The following PRDM15 variants were observed in gnomAD, a reference collection of about 807,000 sequenced individuals.
PRDM15 encodes the protein PR domain zinc finger protein 15.
Under a neutral mutation model 128.6 loss-of-function variants are expected in PRDM15, and 64 were observed. The observed-to-expected ratio is 0.50, with a 90% CI of 0.41 to 0.61. PRDM15 has a LOEUF of 0.61. Among genes scored for constraint, PRDM15 ranks in the 20% least tolerant of loss-of-function variants. The pLI is 0.00. For synonymous variants in PRDM15, 615 were observed against 621.8 expected, an observed-to-expected ratio of 0.99 and a Z score of 0.16; for missense variants, 1,242 against 1,569.1, an observed-to-expected ratio of 0.79 and a Z score of 3.52.
chr21:41,871,135 G>A (rs1342288936), intron 1 of PRDM15, among the ~76,000 whole-genome samples: 1 of 152,188 alleles, frequency 6.6e-6, no homozygotes, highest in Non-Finnish European at 1.5e-5. Flanking sequence ...CAGCTTCCAA[G>A]GCTGTGATGA....
intron 22 of PRDM15, 86 bp from the exon 23 acceptor site, chr21:41,803,007 A>C: frequency 9.8e-7 from 1 of 1,015,556 alleles, no homozygotes; most frequent in East Asian, 2.4e-5. Context: ...TGCCCTGGAC[A>C]CACTCTCCAA....
intron 14 of PRDM15, 58 bp downstream of exon 14, chr21:41,823,260 C>A: frequency 6.3e-7 from 1 of 1,583,286 alleles, no homozygotes. Flanking sequence ...CTGTGACAGA[C>A]GCTGGCCTGG....
chr21:41,834,257 A>G (rs566002063), intron 11 of PRDM15, among the ~76,000 whole-genome samples: 5 of 152,238 alleles, frequency 3.3e-5, no homozygotes, highest in African/African-American at 9.6e-5. Flanking sequence ...GGTTTCAAAT[A>G]GGAGCCCTCA....
At chr21:41,815,933 G>A (rs1327311982) in intron 18 of PRDM15, 97 bp from the exon 19 acceptor site, 26 of 1,486,990 alleles carry the variant, frequency 1.7e-5, no homozygotes, top group East Asian at 6.9e-5. Flanking sequence ...GCAGCGGCCC[G>A]TGCGGTACTG....
At position 41,822,105 on chromosome 21, in the gene PRDM15, C is replaced by A. The variant is rs1028740024; in HGVS notation, c.1762-68G>T. ...ACGCTTCACTCAGTTATCTACACCG[C>A]AGGGACGACCAATCATTTCCCCAGA... On this transcript the variant is annotated intron_variant, in intron 14 of 23. Coordinates refer to ENST00000398548, the MANE Select transcript of PRDM15 (RefSeq NM_001040424.3). 12 of 1,595,246 alleles carry A rather than the reference C, an allele frequency of 7.5e-6. No homozygotes were observed. The Middle Eastern group carries it at 5.0e-4, about 66-fold the overall frequency.
Position 41,801,070 on chromosome 21 carries a change from C to G in PRDM15, c.*170G>C. 5 of 967,072 alleles carry G rather than the reference C, an allele frequency of 5.2e-6. No homozygotes were observed. Among genetic ancestry groups the G allele is most frequent in the Non-Finnish European group, 7.5e-6 (5 of 667,702 alleles). The allele number at this position is 967,072 out of a possible 1,614,324, so 59.9% of individuals were successfully genotyped here. A position where few individuals can be genotyped will look rare whatever the true frequency, so the allele number is the denominator to read the frequency against. On this transcript the variant is annotated 3_prime_UTR_variant, in exon 24 of 24. Transcript: ENST00000398548. The stretch of plus-strand genomic sequence containing the variant: ...GCCAGAGGTCCCTTCTAGAGTTAAG[C>G]TGACAGACCGTAATGGTTGCTGGCG...
rs569603364 is a variant in PRDM15, at chr21:41,875,547, T to C, written c.-10+3723A>G. On this transcript the variant is annotated intron_variant, in intron 1 of 23. Coordinates refer to ENST00000398548, the MANE Select transcript of PRDM15 (RefSeq NM_001040424.3). ...AAATAAAACTGCCATGTCACTCTTG[T>C]AAATATATCTATTAGAATCTAGGCA... 3.3e-5 allele frequency among the ~76,000 whole-genome samples: 5 copies of C among 152,398 alleles called. No homozygotes were observed. The South Asian group carries it at 1.0e-3, about 32-fold the overall frequency.
At chr21:41,818,094 G>C (rs553637977) in intron 18 of PRDM15, among the ~76,000 whole-genome samples, 1 of 152,112 alleles carries the variant, frequency 6.6e-6, no homozygotes, top group Non-Finnish European at 1.5e-5. Flanking sequence ...GTCTCTACGC[G>C]CTACTCAGGA....
intron 21 of PRDM15, among the ~76,000 whole-genome samples, chr21:41,806,010 C>T (rs2061562125): frequency 7.8e-5 from 7 of 89,830 alleles, no homozygotes; most frequent in East Asian, 9.9e-4. Context: ...CCACCATCAC[C>T]ACCACCATCA....
chr21:41,826,018 C>A lies in PRDM15; in HGVS notation c.1571G>T (p.Gly524Val), dbSNP rs2146448936. 2 of 1,614,186 alleles carry A rather than the reference C, an allele frequency of 1.2e-6. No individual in the cohort carries two copies. The highest frequency in any genetic ancestry group is 1.7e-6 in the Non-Finnish European group (2 of 1,180,036). ...RRVKREDLEA[G>V]GENLVRYKKE... is the part of the protein sequence containing the mutation. ...CTTGTAACGGACCAGGTTCTCCCCA[C>A]CGGCCTCCAGGTCCTCTCGCTTCAC... The change falls in exon 13 of 24, where the codon GGT (glycine) becomes GTT (valine). Residue 524 changes from glycine to valine, a missense_variant. Transcript: ENST00000398548.
At chr21:41,803,635 T>C (rs1473422764) in intron 22 of PRDM15, among the ~76,000 whole-genome samples, 1 of 152,214 alleles carries the variant, frequency 6.6e-6, no homozygotes, top group Non-Finnish European at 1.5e-5. Context: ...TACACCGCTG[T>C]CATGGTGGGA....
Position 41,811,833 on chromosome 21 carries a change from C to T in PRDM15, c.2393-997G>A, listed in dbSNP as rs1443129875. The T allele has an allele frequency of 1.3e-5, 2 of 152,044 alleles. No individual in the cohort carries two copies. The highest frequency in any genetic ancestry group is 1.9e-4 in the East Asian group (1 of 5,168). 9.4% of individuals were successfully genotyped at this position (152,044 alleles called of 1,614,324 possible). On this transcript the variant is annotated intron_variant, in intron 19 of 23. Transcript: ENST00000398548. This position sits in a 1 kb window ranked among gnomAD's most constrained non-coding sequence, Gnocchi z 4.1. ...CTGAGTAGCTGGGACTACAGGCACC[C>T]GCCACCACGCCCAGCTAATTTTTTG...
At chr21:41,829,209 ATGT>A (rs2062593998) in intron 11 of PRDM15, among the ~76,000 whole-genome samples, 2 of 137,230 alleles carry the variant, frequency 1.5e-5, no homozygotes, top group African/African-American at 6.0e-5. Context: ...ATACACATAC[ATGT>A]CACACACACC....
chr21:41,850,994 C>T (rs1374239840), intron 5 of PRDM15, among the ~76,000 whole-genome samples: 7 of 152,162 alleles, frequency 4.6e-5, no homozygotes, highest in Non-Finnish European at 1.0e-4. Context: ...GACTCGGCCA[C>T]CACAATAAGT....
Position 41,821,911 on chromosome 21 carries a change from G to C in PRDM15, c.1888C>G (p.Arg630Gly). 1 of 1,614,032 alleles carries C rather than the reference G, an allele frequency of 6.2e-7. No homozygotes were observed. Among genetic ancestry groups the C allele is most frequent in the Non-Finnish European group, 8.5e-7 (1 of 1,180,044 alleles). ...GGGCAAACCCGCCATACCTGGCACC[G>C]CTTGCAGCTGTACTTGTGAGGCTCC... is the stretch of plus-strand genomic sequence containing the variant. ...DSEPHKYSCK[R>G]CQLTFGRGKE... is the part of the protein sequence containing the mutation. Residue 630 changes from arginine to glycine, a missense_variant, in exon 15 of 24, where the codon CGG (arginine) becomes GGG (glycine). This residue lies in a region of PRDM15 where 602 missense variants were observed against 788.3 expected (regional missense o/e 0.76). Coordinates refer to ENST00000398548, the MANE Select transcript of PRDM15 (RefSeq NM_001040424.3). The surrounding 1 kb of genome is among the most constrained non-coding windows in gnomAD (Gnocchi z 5.4).
intron 21 of PRDM15, among the ~76,000 whole-genome samples, chr21:41,808,939 C>T (rs933444918): frequency 3.3e-5 from 5 of 152,338 alleles, no homozygotes; most frequent in East Asian, 1.9e-4. Flanking sequence ...AAACATCCAA[C>T]GGTGAGAGCG....
intron 1 of PRDM15, chr21:41,871,812 C>T: frequency 1.7e-6 from 1 of 581,994 alleles, no homozygotes; most frequent in Admixed American, 3.2e-5. Flanking sequence ...AGCACCCAGG[C>T]TCAGGACGTG....
chr21:41,808,195 C>T (rs933776274), intron 21 of PRDM15, among the ~76,000 whole-genome samples: 3 of 152,226 alleles, frequency 2.0e-5, no homozygotes, highest in African/African-American at 7.2e-5. Flanking sequence ...GGCTGCAGGG[C>T]CTGCCCTGCC....
intron 1 of PRDM15, among the ~76,000 whole-genome samples, chr21:41,872,387 C>T (rs1033648929): frequency 3.3e-5 from 5 of 152,078 alleles, no homozygotes; most frequent in Admixed American, 2.6e-4. Context: ...ATAGTTAAAT[C>T]GATGTATATA....
Sources: gnomAD v4.1 joint callset for allele counts (sites outside exome capture counted in the v4.1 genomes callset) on GRCh38, gnomAD v4.1.1 for gene constraint, gnomAD v4.1.1 regional missense constraint, Gnocchi (gnomAD v3.1) non-coding constraint, MANE v1.5 for transcripts, NCBI Gene and HGNC (gene_info 2026-07-23, HGNC 2026-07-21) for gene names.